RAPGEF5: variants seen among roughly 807,000 people sequenced by gnomAD.
RAPGEF5 encodes the protein Rap guanine nucleotide exchange factor 5, also known as M-Ras-regulated GEF.
Under a neutral mutation model 125.2 loss-of-function variants are expected in RAPGEF5, and 65 were observed. The observed-to-expected ratio is 0.52, with a 90% CI of 0.43 to 0.64. The LOEUF is 0.64. Among genes scored for constraint, RAPGEF5 ranks in the 30% least tolerant of loss-of-function variants. RAPGEF5 has a pLI of 0.00. For missense variants in RAPGEF5, 958 were observed against 1,048.1 expected (o/e 0.91, Z 1.19); for synonymous variants, 391 against 385.9 (o/e 1.01, Z -0.16).
At chr7:22,313,697 A>T (rs1004911331) in intron 3 of RAPGEF5, among the ~76,000 whole-genome samples, 1 of 152,254 alleles carries the variant, frequency 6.6e-6, no homozygotes, top group Non-Finnish European at 1.5e-5. Flanking sequence ...ATAATGATTG[A>T]TGTTACACAT....
intron 15 of RAPGEF5, 59 bp from the exon 16 acceptor site, chr7:22,156,947 T>C (rs759726783): frequency 1.0e-4 from 161 of 1,604,306 alleles, no homozygotes; most frequent in Non-Finnish European, 9.1e-5. Flanking sequence ...TGGAAAACCA[T>C]AGCTGTTTAC....
chr7:22,150,975 T>C (rs572770338), intron 17 of RAPGEF5, among the ~76,000 whole-genome samples: 23 of 152,364 alleles, frequency 1.5e-4, no homozygotes, highest in Admixed American at 6.5e-4. Flanking sequence ...AATTATTCCA[T>C]AGTTTTATAT....
At position 22,344,027 on chromosome 7, in the gene RAPGEF5, C is replaced by T. The variant is rs80055551; in HGVS notation, c.231+12803G>A. ...ACCCATGTTTATGCACAGAAATGGC[C>T]CTTGATTCACATTCAAGTAGTCCTA... On this transcript the variant is annotated intron_variant, in intron 1 of 25. Transcript: ENST00000665637. Among the ~76,000 whole-genome samples the T allele has an allele frequency of 6.6e-5, 10 of 152,248 alleles. No individual in the cohort carries two copies. In the East Asian group the frequency reaches 1.9e-3, roughly 29 times the overall value.
chr7:22,356,712 G>T, intron 1 of RAPGEF5, 118 bp downstream of exon 1: 1 of 465,638 alleles, frequency 2.1e-6, no homozygotes, highest in Non-Finnish European at 2.9e-6. Flanking sequence ...TCCGGCAGAA[G>T]GGCGTCCCTT....
At chr7:22,227,753 G>A (rs1785955614) in intron 8 of RAPGEF5, among the ~76,000 whole-genome samples, 1 of 152,094 alleles carries the variant, frequency 6.6e-6, no homozygotes. Flanking sequence ...GAGGTGGGAG[G>A]ATCACTTGAG....
At chr7:22,288,802 C>T (rs1217071216) in intron 6 of RAPGEF5, among the ~76,000 whole-genome samples, 2 of 152,074 alleles carry the variant, frequency 1.3e-5, no homozygotes, top group Non-Finnish European at 2.9e-5. Flanking sequence ...CTTTTGGTTC[C>T]CACAAAAACC....
At chr7:22,144,967 T>A in intron 20 of RAPGEF5, 77 bp downstream of exon 20, 6 of 1,476,428 alleles carry the variant, frequency 4.1e-6, no homozygotes, top group Non-Finnish European at 5.5e-6. Context: ...CTTATCATCA[T>A]AAGAAAGAAA....
chr7:22,222,620 A>G (rs968447238), intron 8 of RAPGEF5, among the ~76,000 whole-genome samples: 6 of 152,158 alleles, frequency 3.9e-5, no homozygotes, highest in Admixed American at 2.0e-4. Context: ...GTTGAGAGGT[A>G]ATGCAGGAGC....
chr7:22,203,100 C>T (rs1232842942), intron 9 of RAPGEF5, among the ~76,000 whole-genome samples: 1 of 152,124 alleles, frequency 6.6e-6, no homozygotes, highest in Non-Finnish European at 1.5e-5. Context: ...TTTTCCACTG[C>T]AATGCAAACC....
At chr7:22,212,279 G>T (rs535037717) in intron 9 of RAPGEF5, among the ~76,000 whole-genome samples, 2 of 152,236 alleles carry the variant, frequency 1.3e-5, no homozygotes, top group South Asian at 2.1e-4. Flanking sequence ...GGCCTCACAT[G>T]TGTTCTTTCC....
rs116883779 is a variant in RAPGEF5 at position 22,222,218 on chromosome 7, G to A, written c.871-2227C>T. 9.5e-4 allele frequency among the ~76,000 whole-genome samples: 144 copies of A among 152,204 alleles called. 1 individual carries two copies. The highest frequency in any genetic ancestry group is 1.7e-3 in the Admixed American group (26 of 15,290). On this transcript the variant is annotated intron_variant, in intron 8 of 25. Coordinates refer to ENST00000665637, the MANE Select transcript of RAPGEF5 (RefSeq NM_012294.5). ...CTGAGATCACGCCAGTGCACTGGAC[G>A]ACAGAGCGAGAGTCCATCTCAAAAC...
At chr7:22,235,808 C>A (rs1395348571) in intron 7 of RAPGEF5, among the ~76,000 whole-genome samples, 1 of 152,154 alleles carries the variant, frequency 6.6e-6, no homozygotes, top group Non-Finnish European at 1.5e-5. Flanking sequence ...CAGAAACAAG[C>A]CTGCAGTGAG....
chr7:22,232,586 C>T (rs2128134869), intron 7 of RAPGEF5, among the ~76,000 whole-genome samples: 1 of 152,280 alleles, frequency 6.6e-6, no homozygotes, highest in Non-Finnish European at 1.5e-5. Context: ...TCCCAAAGTG[C>T]TGGGATTACA....
chr7:22,286,488 A>G (rs962325248), intron 6 of RAPGEF5, among the ~76,000 whole-genome samples: 5 of 152,372 alleles, frequency 3.3e-5, no homozygotes. Flanking sequence ...CTTAGCCTTA[A>G]AAAACAGAAA....
At chr7:22,218,119 C>G (rs1785685665) in intron 9 of RAPGEF5, among the ~76,000 whole-genome samples, 1 of 152,176 alleles carries the variant, frequency 6.6e-6, no homozygotes, top group African/African-American at 2.4e-5. Context: ...CTACCCCCTC[C>G]TCTCACCCAG....
At chr7:22,323,676 G>T (rs1053148167) in intron 1 of RAPGEF5, among the ~76,000 whole-genome samples, 4 of 152,066 alleles carry the variant, frequency 2.6e-5, no homozygotes, top group African/African-American at 7.2e-5. Context: ...GTCATACCTG[G>T]ACTCCAAGAT....
At chr7:22,345,431 C>T (rs1319535416) in intron 1 of RAPGEF5, among the ~76,000 whole-genome samples, 1 of 152,176 alleles carries the variant, frequency 6.6e-6, no homozygotes, top group Non-Finnish European at 1.5e-5. Flanking sequence ...ACTGAGCATC[C>T]TCTACATAAC....
intron 8 of RAPGEF5, among the ~76,000 whole-genome samples, chr7:22,225,356 C>T (rs1277101714): frequency 6.6e-6 from 1 of 152,166 alleles, no homozygotes; most frequent in Non-Finnish European, 1.5e-5. Context: ...GAAAATATTG[C>T]TGTTTTGATT....
At chr7:22,336,119 G>A (rs1248342618) in intron 1 of RAPGEF5, among the ~76,000 whole-genome samples, 3 of 152,042 alleles carry the variant, frequency 2.0e-5, no homozygotes, top group African/African-American at 2.4e-5. Context: ...CCTATCACCC[G>A]GGCAACAATC....
Sources: gnomAD v4.1 joint callset for allele counts (sites outside exome capture counted in the v4.1 genomes callset) on GRCh38, gnomAD v4.1.1 for gene constraint, MANE v1.5 for transcripts, NCBI Gene and HGNC (gene_info 2026-07-23, HGNC 2026-07-21) for gene names.